The following POU6F2 variants were observed in gnomAD, a reference collection of about 807,000 sequenced individuals.
POU6F2 encodes POU class 6 homeobox 2, also known as POU domain, class 6, transcription factor 2.
Under a neutral mutation model 71.3 loss-of-function variants are expected in POU6F2, and 31 were observed. The observed-to-expected ratio is 0.43, with a 90% CI of 0.33 to 0.59. The LOEUF is 0.59. Among genes scored for constraint, POU6F2 ranks in the 20% least tolerant of loss-of-function variants. POU6F2 has a pLI of 0.04. For missense variants in POU6F2, 783 were observed against 856.8 expected, an observed-to-expected ratio of 0.91 and a Z score of 1.07; for synonymous variants, 347 against 355.7, an observed-to-expected ratio of 0.98 and a Z score of 0.27.
intron 4 of POU6F2, among the ~76,000 whole-genome samples, chr7:39,278,003 G>C (rs1055942818): frequency 2.0e-5 from 3 of 151,580 alleles, no homozygotes; most frequent in Non-Finnish European, 4.4e-5. Context: ...GTTGCAGGGA[G>C]GCAGAGGTTG....
chr7:39,015,991 A>ATATATTATCTATATT lies in POU6F2; in HGVS notation c.105+37933_105+37934insTATATTATCTATATT, dbSNP rs1562671057. 1.0e-4 allele frequency among the ~76,000 whole-genome samples: 2 copies of ATATATTATCTATATT among 19,172 alleles called. 1 individual carries two copies. Among genetic ancestry groups the ATATATTATCTATATT allele is most frequent in the South Asian group, 3.9e-3 (2 of 514 alleles). The allele number at this position is 19,172 out of a possible 152,430, so 12.6% of individuals were successfully genotyped here. On this transcript the variant is annotated intron_variant, in intron 1 of 9. Transcript: ENST00000518318. ...ATATATATTATATATAGATATATAT[A>ATATATTATCTATATT]ATATATAGATATATATTATATATTA...
At chr7:39,288,702 G>A (rs773574471) in intron 4 of POU6F2, among the ~76,000 whole-genome samples, 1 of 152,130 alleles carries the variant, frequency 6.6e-6, no homozygotes, top group African/African-American at 2.4e-5. Context: ...AACATATCAG[G>A]TAGATGCTGA....
chr7:39,167,575 G>A (rs923242521), intron 2 of POU6F2, among the ~76,000 whole-genome samples: 6 of 151,904 alleles, frequency 3.9e-5, no homozygotes. Flanking sequence ...CACTTAAGTC[G>A]GTACTACAAA....
intron 5 of POU6F2, among the ~76,000 whole-genome samples, chr7:39,366,894 CAG>C (rs944069818): frequency 6.6e-6 from 1 of 151,984 alleles, no homozygotes; most frequent in African/African-American, 2.4e-5. Flanking sequence ...CCAGCACAAA[CAG>C]GGATACAAGA....
chr7:39,444,050 C>G (rs1003812572), intron 7 of POU6F2, among the ~76,000 whole-genome samples: 1 of 152,218 alleles, frequency 6.6e-6, no homozygotes, highest in African/African-American at 2.4e-5. Context: ...GTAATGACAT[C>G]TTTAATGAAT....
intron 5 of POU6F2, among the ~76,000 whole-genome samples, chr7:39,380,306 GA>G (rs1286272686): frequency 1.3e-5 from 2 of 152,234 alleles, no homozygotes; most frequent in African/African-American, 4.8e-5. Context: ...TTTCACCTGA[GA>G]ATGGGAATAA....
intron 2 of POU6F2, among the ~76,000 whole-genome samples, chr7:39,127,836 ATTT>A (rs70977460): frequency 4.8e-5 from 5 of 104,158 alleles, no homozygotes; most frequent in Admixed American, 1.1e-4. Flanking sequence ...AGCCAGTGGA[ATTT>A]TTTTTTTTTT....
intron 5 of POU6F2, among the ~76,000 whole-genome samples, chr7:39,399,790 C>T (rs1371229000): frequency 6.7e-6 from 1 of 149,920 alleles, no homozygotes; most frequent in East Asian, 2.0e-4. Context: ...TTCGAGGCCA[C>T]AGTGAATTAG....
chr7:39,426,812 T>C (rs1787984929), intron 6 of POU6F2, among the ~76,000 whole-genome samples: 1 of 152,222 alleles, frequency 6.6e-6, no homozygotes, highest in South Asian at 2.1e-4. Context: ...TCTGTGTCTA[T>C]CCTCTTTGTC....
intron 2 of POU6F2, among the ~76,000 whole-genome samples, chr7:39,096,191 C>A (rs891009056): frequency 1.3e-5 from 2 of 152,196 alleles, no homozygotes; most frequent in Admixed American, 6.6e-5. Flanking sequence ...AATACTTCCA[C>A]ATGAGCTCTC....
intron 4 of POU6F2, among the ~76,000 whole-genome samples, chr7:39,274,741 T>G (rs1784405312): frequency 9.0e-6 from 1 of 110,832 alleles, no homozygotes; most frequent in African/African-American, 3.4e-5. Flanking sequence ...CAAGGCTGGT[T>G]CAATATATGC....
intron 5 of POU6F2, among the ~76,000 whole-genome samples, chr7:39,364,549 G>GTAATTCTAAGT (rs1786458956): frequency 6.6e-6 from 1 of 152,078 alleles, no homozygotes; most frequent in South Asian, 2.1e-4. Flanking sequence ...ACTTTACTTA[G>GTAATTCTAAGT]AATAATAGCC....
chr7:39,247,133 A>G (rs1365628601), intron 4 of POU6F2, among the ~76,000 whole-genome samples: 1 of 152,032 alleles, frequency 6.6e-6, no homozygotes, highest in Non-Finnish European at 1.5e-5. Flanking sequence ...CATGTAATTT[A>G]CAACGATTTG....
At chr7:39,316,219 C>T (rs1785265312) in intron 4 of POU6F2, among the ~76,000 whole-genome samples, 1 of 152,156 alleles carries the variant, frequency 6.6e-6, no homozygotes, top group African/African-American at 2.4e-5. Context: ...GTTTTAAATG[C>T]CCAAACCATA....
chr7:39,365,290 AG>A (rs1786476320), intron 5 of POU6F2, among the ~76,000 whole-genome samples: 1 of 152,154 alleles, frequency 6.6e-6, no homozygotes, highest in South Asian at 2.1e-4. Flanking sequence ...AAAGTGGGGA[AG>A]GGTCCCCTAT....
At chr7:39,048,061 AAG>A (rs1282806798) in intron 1 of POU6F2, among the ~76,000 whole-genome samples, 2 of 151,940 alleles carry the variant, frequency 1.3e-5, no homozygotes, top group Non-Finnish European at 2.9e-5. Context: ...TATTTTCTGA[AAG>A]AGCAATTGAA....
intron 2 of POU6F2, among the ~76,000 whole-genome samples, chr7:39,168,224 T>A (rs1331539872): frequency 6.6e-6 from 1 of 152,180 alleles, no homozygotes; most frequent in African/African-American, 2.4e-5. Flanking sequence ...GATGACAAAA[T>A]GCGCTTTGTA....
intron 2 of POU6F2, among the ~76,000 whole-genome samples, chr7:39,167,057 A>G (rs976550747): frequency 2.6e-5 from 4 of 152,200 alleles, no homozygotes; most frequent in African/African-American, 4.8e-5. Flanking sequence ...TCCAGCAAAC[A>G]TTTAGAATAG....
intron 1 of POU6F2, among the ~76,000 whole-genome samples, chr7:39,066,527 A>T (rs1790757295): frequency 6.6e-6 from 1 of 151,806 alleles, no homozygotes; most frequent in Admixed American, 6.6e-5. Context: ...TAACTTGATT[A>T]TAGAAAAAGA....
Sources: gnomAD v4.1 joint callset for allele counts (sites outside exome capture counted in the v4.1 genomes callset) on GRCh38, gnomAD v4.1.1 for gene constraint, MANE v1.5 for transcripts, NCBI Gene and HGNC (gene_info 2026-07-23, HGNC 2026-07-21) for gene names.